Variants in GPR149 observed in about 807,000 individuals in gnomAD.
GPR149 encodes the protein G protein-coupled receptor 149.
A neutral mutation model predicts 50.2 loss-of-function variants in GPR149; 50 were observed. That is an observed-to-expected ratio of 1.00 (90% CI 0.79 to 1.26). The LOEUF (loss-of-function observed/expected upper bound fraction) is 1.26, where lower values mean the gene tolerates loss of function less well. Among genes scored for constraint, GPR149 ranks in the 50% most tolerant of loss-of-function variants. The pLI, the probability that GPR149 is intolerant of heterozygous loss-of-function variation, is 0.00. For missense variants in GPR149, 983 were observed against 895.4 expected, an observed-to-expected ratio of 1.10 and a Z score of -1.25; for synonymous variants, 405 against 358.2, an observed-to-expected ratio of 1.13 and a Z score of -1.48.
chr3:154,422,667 G>T lies in GPR149; in HGVS notation c.1175-1180C>A, dbSNP rs534536669. Among the ~76,000 whole-genome samples the T allele has an allele frequency of 1.1e-3, 164 of 151,776 alleles. 1 individual carries two copies. The highest frequency in any genetic ancestry group is 2.9e-3 in the African/African-American group (120 of 41,508). ...AACCAATTCTGTTGACTGAAAAATAGAATTTATTAGTATCATTCATTGTTG... is the reference window on the plus strand; with the variant it reads ...AACCAATTCTGTTGACTGAAAAATATAATTTATTAGTATCATTCATTGTTG... On this transcript the variant is annotated intron_variant, in intron 2 of 3. Coordinates refer to ENST00000389740, the MANE Select transcript of GPR149 (RefSeq NM_001038705.3).
At chr3:154,424,559 G>GT (rs1287118507) in intron 2 of GPR149, among the ~76,000 whole-genome samples, 2 of 151,642 alleles carry the variant, frequency 1.3e-5, no homozygotes, top group Non-Finnish European at 3.0e-5. Flanking sequence ...TTTAAAAACT[G>GT]TTTTTTGTAT....
At chr3:154,419,394 T>A (rs556504684) in intron 3 of GPR149, among the ~76,000 whole-genome samples, 3 of 152,166 alleles carry the variant, frequency 2.0e-5, no homozygotes, top group Admixed American at 2.0e-4. Context: ...TAAATGAGGA[T>A]GTTAAGTTGT....
At chr3:154,398,202 CCTGA>C (rs947188887) in intron 3 of GPR149, among the ~76,000 whole-genome samples, 1 of 152,082 alleles carries the variant, frequency 6.6e-6, no homozygotes, top group African/African-American at 2.4e-5. Flanking sequence ...AAACATCTTC[CCTGA>C]CTATCTAGAA....
chr3:154,352,354 C>A (rs1304536088), intron 3 of GPR149: 1 of 1,120,674 alleles, frequency 8.9e-7, no homozygotes, highest in Non-Finnish European at 1.3e-6. Flanking sequence ...TCATAATATT[C>A]TTCAATTTCA....
chr3:154,340,038 C>T (rs962682010), intron 3 of GPR149, among the ~76,000 whole-genome samples: 5 of 151,906 alleles, frequency 3.3e-5, no homozygotes, highest in African/African-American at 7.3e-5. Flanking sequence ...GTGATCCTCC[C>T]GCCTCGGCCT....
chr3:154,402,356 T>C (rs574070182), intron 3 of GPR149, among the ~76,000 whole-genome samples: 2 of 151,664 alleles, frequency 1.3e-5, no homozygotes, highest in African/African-American at 2.4e-5. Flanking sequence ...TTGGAGGCTA[T>C]GGTGAGCTAT....
At chr3:154,378,772 G>A (rs1005858573) in intron 3 of GPR149, among the ~76,000 whole-genome samples, 3 of 152,064 alleles carry the variant, frequency 2.0e-5, no homozygotes, top group African/African-American at 4.8e-5. Context: ...GTGTGTAGTG[G>A]TATCTCATTG....
At chr3:154,365,641 C>T (rs1714513145) in intron 3 of GPR149, among the ~76,000 whole-genome samples, 1 of 152,172 alleles carries the variant, frequency 6.6e-6, no homozygotes. Flanking sequence ...GAACACTTTG[C>T]CTAGAGATTT....
chr3:154,354,015 T>C (rs1714153868), intron 3 of GPR149: 2 of 456,034 alleles, frequency 4.4e-6, no homozygotes, highest in South Asian at 2.0e-5. Context: ...TGCTTTGATT[T>C]TTTTTTTCAT....
intron 2 of GPR149, among the ~76,000 whole-genome samples, chr3:154,423,255 C>A (rs1406486593): frequency 2.0e-5 from 3 of 151,790 alleles, no homozygotes; most frequent in Non-Finnish European, 3.0e-5. Flanking sequence ...CACACAACAA[C>A]CCTACATAAT....
intron 3 of GPR149, among the ~76,000 whole-genome samples, chr3:154,369,532 C>T (rs1714613330): frequency 1.3e-5 from 2 of 152,154 alleles, no homozygotes; most frequent in Admixed American, 6.5e-5. Flanking sequence ...ACTGACTCTC[C>T]TCCATCCGGT....
At chr3:154,360,868 T>C (rs1010814615) in intron 3 of GPR149, among the ~76,000 whole-genome samples, 6 of 152,140 alleles carry the variant, frequency 3.9e-5, no homozygotes, top group African/African-American at 1.4e-4. Context: ...GCTATTTTTA[T>C]TAAAAACAAT....
At chr3:154,383,285 C>T (rs116072842) in intron 3 of GPR149, among the ~76,000 whole-genome samples, 63 of 152,274 alleles carry the variant, frequency 4.1e-4, no homozygotes, top group African/African-American at 1.4e-3. Context: ...TTCCACTGAG[C>T]AGGCCAAATT....
chr3:154,399,372 A>G (rs1418109638), intron 3 of GPR149, among the ~76,000 whole-genome samples: 1 of 152,214 alleles, frequency 6.6e-6, no homozygotes, highest in Non-Finnish European at 1.5e-5. Context: ...GTAATACTAG[A>G]AAACGAATAA....
At chr3:154,361,631 G>A (rs920719309) in intron 3 of GPR149, among the ~76,000 whole-genome samples, 4 of 152,044 alleles carry the variant, frequency 2.6e-5, no homozygotes, top group Non-Finnish European at 4.4e-5. Flanking sequence ...GGACCAGTAC[G>A]GGGTGCTTTT....
chr3:154,339,421 TAC>T (rs1453603025), intron 3 of GPR149, among the ~76,000 whole-genome samples: 1 of 152,234 alleles, frequency 6.6e-6, no homozygotes, highest in Admixed American at 6.5e-5. Flanking sequence ...TTGTAAAACC[TAC>T]AGTTACTAAC....
intron 3 of GPR149, among the ~76,000 whole-genome samples, chr3:154,409,027 A>G (rs1711767228): frequency 6.6e-6 from 1 of 152,246 alleles, no homozygotes; most frequent in African/African-American, 2.4e-5. Context: ...CGTGTCTGCA[A>G]GATCTGAAGA....
At chr3:154,342,705 G>C (rs2108384331) in intron 3 of GPR149, among the ~76,000 whole-genome samples, 1 of 152,216 alleles carries the variant, frequency 6.6e-6, no homozygotes, top group East Asian at 1.9e-4. Context: ...ACCATGCCTG[G>C]CCTTACAAAT....
intron 3 of GPR149, among the ~76,000 whole-genome samples, chr3:154,390,098 G>A (rs920422469): frequency 3.3e-5 from 5 of 152,102 alleles, no homozygotes; most frequent in African/African-American, 9.7e-5. Flanking sequence ...AGGGGCCCCT[G>A]GAATCTCTGG....
Sources: allele counts gnomAD v4.1 joint callset (sites outside exome capture counted in the v4.1 genomes callset), GRCh38; gene constraint gnomAD v4.1.1; transcripts MANE v1.5; gene names NCBI Gene and HGNC (gene_info 2026-07-23, HGNC 2026-07-21).